The following MARCHF3 variants were observed in gnomAD, a reference collection of about 807,000 sequenced individuals.
The protein encoded by MARCHF3 is membrane associated ring-CH-type finger 3.
In MARCHF3, 13 loss-of-function variants were observed where a neutral mutation model predicts 24.2. That is an observed-to-expected ratio of 0.54 (90% CI 0.35 to 0.85). The LOEUF is 0.85. Ranked by LOEUF, MARCHF3 falls within the 40% of genes least tolerant of loss-of-function variation. The probability of loss-of-function intolerance (pLI) is 0.01; values close to 1 mark genes in which losing one functional copy is unlikely to be tolerated. For missense variants in MARCHF3, 276 were observed against 325.0 expected, an observed-to-expected ratio of 0.85 and a Z score of 1.16; for synonymous variants, 144 against 137.3, an observed-to-expected ratio of 1.05 and a Z score of -0.34.
At chr5:127,015,479 T>C (rs1424740059) in intron 1 of MARCHF3, among the ~76,000 whole-genome samples, 4 of 152,130 alleles carry the variant, frequency 2.6e-5, no homozygotes, top group Admixed American at 2.0e-4. Flanking sequence ...CACAATTTAG[T>C]TGGCAAATGA....
intron 3 of MARCHF3, among the ~76,000 whole-genome samples, chr5:126,913,335 C>T (rs1313205215): frequency 6.6e-6 from 1 of 152,246 alleles, no homozygotes; most frequent in Admixed American, 6.5e-5. Context: ...CCTGGAGAGG[C>T]TGCAATATCA....
At chr5:127,017,843 A>G (rs946995908) in intron 1 of MARCHF3, among the ~76,000 whole-genome samples, 5 of 152,220 alleles carry the variant, frequency 3.3e-5, no homozygotes, top group African/African-American at 1.2e-4. Context: ...TTTTATAGGA[A>G]AAAAATCTGA....
chr5:126,901,747 A>G (rs1419414374), intron 3 of MARCHF3, among the ~76,000 whole-genome samples: 1 of 152,104 alleles, frequency 6.6e-6, no homozygotes, highest in African/African-American at 2.4e-5. Context: ...GGGCTTCTGC[A>G]ATTTATGTCT....
In MARCHF3 at chr5:126,979,862, C is replaced by T. The variant is rs191312023; in HGVS notation, c.-57+50488G>A. 3.5e-3 allele frequency among the ~76,000 whole-genome samples: 521 copies of T among 149,636 alleles called. 1 individual carries two copies. Among genetic ancestry groups the T allele is most frequent in the Non-Finnish European group, 6.4e-3 (430 of 67,664 alleles). On this transcript the variant is annotated intron_variant, in intron 1 of 4. Coordinates refer to ENST00000308660, the MANE Select transcript of MARCHF3 (RefSeq NM_178450.5). The stretch of plus-strand genomic sequence containing the variant: ...ACTCGGGAGGCTGAGGCAGGAGAAC[C>T]GCTTGAACCCGGGAGGTGGAGGTTG...
At chr5:126,958,509 A>T (rs1451521494) in intron 1 of MARCHF3, among the ~76,000 whole-genome samples, 5 of 152,072 alleles carry the variant, frequency 3.3e-5, no homozygotes, top group Non-Finnish European at 7.4e-5. Flanking sequence ...CTTTTTCATG[A>T]TCTAATTCTT....
rs1285849341 is a variant in MARCHF3, at chr5:126,869,617, T to G, written c.*1016A>C. ...TTTTTTTTTTTTTGCCACATCTACC[T>G]GTCAAGCTAGAAATTCAATAGAGCA... On this transcript the variant is annotated 3_prime_UTR_variant, in exon 5 of 5. Coordinates refer to ENST00000308660, the MANE Select transcript of MARCHF3 (RefSeq NM_178450.5). 4.2e-5 allele frequency: 5 copies of G among 119,998 alleles called. No individual in the cohort carries two copies. In the Admixed American group the frequency reaches 5.0e-4, roughly 12 times the overall value. 7.4% of individuals were successfully genotyped at this position (119,998 alleles called of 1,614,324 possible).
chr5:126,954,829 T>A (rs1402901155), intron 1 of MARCHF3, among the ~76,000 whole-genome samples: 1 of 152,140 alleles, frequency 6.6e-6, no homozygotes, highest in African/African-American at 2.4e-5. Context: ...TTAAGTCTCC[T>A]GTTTCCCAAT....
intron 1 of MARCHF3, among the ~76,000 whole-genome samples, chr5:126,968,699 AG>A (rs1199545175): frequency 1.3e-5 from 2 of 152,004 alleles, no homozygotes; most frequent in Non-Finnish European, 2.9e-5. Flanking sequence ...TGTAGTCTCC[AG>A]AGTAGCTGGG....
chr5:126,918,617 T>C (rs2126795250), intron 1 of MARCHF3, among the ~76,000 whole-genome samples: 1 of 152,308 alleles, frequency 6.6e-6, no homozygotes, highest in African/African-American at 2.4e-5. Context: ...ATTAAAAACA[T>C]TCAGAACTAT....
chr5:127,003,090 C>G (rs958214299), intron 1 of MARCHF3, among the ~76,000 whole-genome samples: 1 of 146,436 alleles, frequency 6.8e-6, no homozygotes, highest in African/African-American at 2.5e-5. Context: ...CCAGCATTCA[C>G]AAAACACTTG....
intron 1 of MARCHF3, among the ~76,000 whole-genome samples, chr5:126,962,849 G>C (rs1181402935): frequency 6.6e-6 from 1 of 151,554 alleles, no homozygotes; most frequent in African/African-American, 2.4e-5. Flanking sequence ...GTGTGTGTGT[G>C]TGTGTGTGTA....
At chr5:126,988,048 TA>T (rs201633816) in intron 1 of MARCHF3, among the ~76,000 whole-genome samples, 2 of 151,820 alleles carry the variant, frequency 1.3e-5, no homozygotes, top group African/African-American at 4.8e-5. Context: ...AATAAAAAGT[TA>T]AAAAAAACTG....
intron 1 of MARCHF3, among the ~76,000 whole-genome samples, chr5:126,925,563 A>T (rs548385492): frequency 2.0e-5 from 3 of 152,264 alleles, no homozygotes; most frequent in African/African-American, 7.2e-5. Flanking sequence ...TTTTCATTTA[A>T]TTTTAATTAT....
At chr5:127,016,512 TTCA>T (rs1561474763) in intron 1 of MARCHF3, among the ~76,000 whole-genome samples, 1 of 152,128 alleles carries the variant, frequency 6.6e-6, no homozygotes, top group Non-Finnish European at 1.5e-5. Flanking sequence ...TGAAAAAATG[TTCA>T]TCATCACTGG....
At chr5:126,933,211 AT>A (rs1322868907) in intron 1 of MARCHF3, among the ~76,000 whole-genome samples, 2 of 152,226 alleles carry the variant, frequency 1.3e-5, no homozygotes, top group African/African-American at 4.8e-5. Flanking sequence ...CATGATTTTT[AT>A]TAAGTTCTAC....
At chr5:126,960,514 T>C (rs1225199076) in intron 1 of MARCHF3, among the ~76,000 whole-genome samples, 1 of 151,802 alleles carries the variant, frequency 6.6e-6, no homozygotes, top group Non-Finnish European at 1.5e-5. Context: ...TCCTGTTTAA[T>C]GCAAACCCTA....
intron 1 of MARCHF3, among the ~76,000 whole-genome samples, chr5:126,976,492 C>T (rs1338595789): frequency 6.6e-6 from 1 of 152,162 alleles, no homozygotes; most frequent in Non-Finnish European, 1.5e-5. Flanking sequence ...CTATCTGACC[C>T]TCTACTGGGG....
chr5:126,888,367 A>G (rs1045768883), intron 3 of MARCHF3, among the ~76,000 whole-genome samples: 6 of 152,222 alleles, frequency 3.9e-5, no homozygotes, highest in African/African-American at 9.6e-5. Context: ...TGCCTGGGAC[A>G]TTGTAATTTG....
intron 3 of MARCHF3, among the ~76,000 whole-genome samples, chr5:126,911,498 C>T (rs1053966354): frequency 6.6e-6 from 1 of 152,202 alleles, no homozygotes; most frequent in Non-Finnish European, 1.5e-5. Context: ...CGATAATCTA[C>T]ATTTTGAATG....
Sources: gnomAD v4.1 joint callset for allele counts (sites outside exome capture counted in the v4.1 genomes callset) on GRCh38, gnomAD v4.1.1 for gene constraint, MANE v1.5 for transcripts, NCBI Gene and HGNC (gene_info 2026-07-23, HGNC 2026-07-21) for gene names.